The following UBE2D2 variants were observed in gnomAD, a reference collection of about 807,000 sequenced individuals.
UBE2D2 encodes ubiquitin conjugating enzyme E2 D2, also known as ubiquitin-conjugating enzyme E2 D2.
UBE2D2 carries 2 observed loss-of-function variants against 24.2 expected under a neutral mutation model. The ratio of observed to expected loss-of-function variants is 0.08; its 90% confidence interval spans 0.03 to 0.26. The LOEUF (loss-of-function observed/expected upper bound fraction) is 0.26, where lower values mean the gene tolerates loss of function less well. Among genes scored for constraint, UBE2D2 ranks in the 10% least tolerant of loss-of-function variants. The pLI is 1.00. For missense variants in UBE2D2, 44 were observed against 177.6 expected (o/e 0.25, Z 4.28); for synonymous variants, 58 against 56.5 (o/e 1.03, Z -0.12).
intron 1 of UBE2D2, chr5:139,562,079 G>A (rs1753112944): frequency 9.0e-6 from 8 of 891,224 alleles, no homozygotes; most frequent in Non-Finnish European, 1.3e-5. Flanking sequence ...GGACTCTTAG[G>A]GCTTCTCTCC....
At chr5:139,615,059 TAAG>T (rs1754395037) in intron 5 of UBE2D2, 93 bp downstream of exon 5, 1 of 1,214,136 alleles carries the variant, frequency 8.2e-7, no homozygotes. Flanking sequence ...ATGTTTCTTT[TAAG>T]AAGAGATAGC....
At chr5:139,552,948 C>A (rs1379216780) in intron 1 of UBE2D2, among the ~76,000 whole-genome samples, 1 of 152,062 alleles carries the variant, frequency 6.6e-6, no homozygotes, top group Non-Finnish European at 1.5e-5. Flanking sequence ...TCCCAAAGTG[C>A]TGGGACTACA....
intron 5 of UBE2D2, among the ~76,000 whole-genome samples, chr5:139,615,346 A>G (rs558202932): frequency 2.3e-4 from 35 of 152,256 alleles, no homozygotes; most frequent in Middle Eastern, 3.4e-3. Context: ...TTAGCTGGGC[A>G]TGGTGGCAGG....
chr5:139,580,940 A>G (rs931042396), intron 1 of UBE2D2, among the ~76,000 whole-genome samples: 1 of 152,104 alleles, frequency 6.6e-6, no homozygotes, highest in Non-Finnish European at 1.5e-5. Flanking sequence ...CACACAGACA[A>G]ATAGGAACTG....
intron 1 of UBE2D2, among the ~76,000 whole-genome samples, chr5:139,548,133 C>A: frequency 8.8e-6 from 1 of 113,844 alleles, no homozygotes; most frequent in African/African-American, 3.1e-5. Context: ...CACTGCATTC[C>A]AGCCTGGGCG....
rs571099604 is a variant in UBE2D2 at position 139,571,792 on chromosome 5, T to A, written c.24+9977T>A. On this transcript the variant is annotated intron_variant, in intron 1 of 6. Coordinates refer to ENST00000398733, the MANE Select transcript of UBE2D2 (RefSeq NM_003339.3). ...CTCCCTCCCTCACTTCCTCCTTCCCTCACTCACTTCCTCCCTCCTTCCTTC... is the reference window on the plus strand; with the variant it reads ...CTCCCTCCCTCACTTCCTCCTTCCCACACTCACTTCCTCCCTCCTTCCTTC... Among the ~76,000 whole-genome samples the A allele has an allele frequency of 2.0e-5, 3 of 149,952 alleles. No homozygotes were observed. The South Asian group carries it at 6.6e-4, about 33-fold the overall frequency.
intron 1 of UBE2D2, among the ~76,000 whole-genome samples, chr5:139,598,552 CT>C (rs746165110): frequency 4.0e-3 from 416 of 104,930 alleles, no homozygotes; most frequent in African/African-American, 0.013. Context: ...ACTACAAAGC[CT>C]TTTTTTTTTT....
At chr5:139,581,759 C>T (rs1223703100) in intron 1 of UBE2D2, among the ~76,000 whole-genome samples, 2 of 151,992 alleles carry the variant, frequency 1.3e-5, no homozygotes, top group African/African-American at 4.8e-5. Context: ...ACCTCTGCCT[C>T]CCGAGTTCAA....
chr5:139,621,329 T>C (rs1465466643), intron 5 of UBE2D2, among the ~76,000 whole-genome samples: 2 of 152,226 alleles, frequency 1.3e-5, no homozygotes, highest in African/African-American at 4.8e-5. Context: ...TATTGAGATT[T>C]GTCTGCTACA....
chr5:139,540,993 C>CAA (rs969269701), intron 1 of UBE2D2, among the ~76,000 whole-genome samples: 1 of 137,072 alleles, frequency 7.3e-6, no homozygotes, highest in African/African-American at 2.7e-5. Flanking sequence ...AACTCAGTCT[C>CAA]AAAAAAAAAA....
chr5:139,531,041 T>C (rs1752590900), intron 1 of UBE2D2, among the ~76,000 whole-genome samples: 2 of 151,872 alleles, frequency 1.3e-5, no homozygotes, highest in South Asian at 4.2e-4. Context: ...AAAACAAAAG[T>C]GAGAACTCCC....
intron 1 of UBE2D2, chr5:139,562,261 C>T: frequency 2.9e-6 from 4 of 1,359,850 alleles, no homozygotes; most frequent in Non-Finnish European, 2.9e-6. Context: ...CACAAAACCG[C>T]CTGAGCTCGG....
intron 5 of UBE2D2, among the ~76,000 whole-genome samples, chr5:139,615,179 G>A (rs1340481334): frequency 6.6e-6 from 1 of 152,136 alleles, no homozygotes; most frequent in Non-Finnish European, 1.5e-5. Context: ...TGCTACTCTA[G>A]CATAGGTTAG....
chr5:139,562,164 G>T, intron 1 of UBE2D2: 1 of 1,334,718 alleles, frequency 7.5e-7, no homozygotes, highest in Non-Finnish European at 9.8e-7. Context: ...GGGGGCGCTG[G>T]GGCGTTGGGC....
intron 1 of UBE2D2, among the ~76,000 whole-genome samples, chr5:139,533,395 A>G (rs1752621832): frequency 6.6e-6 from 1 of 152,074 alleles, no homozygotes. Flanking sequence ...TCACGCCTGT[A>G]ATCCCCAACA....
chr5:139,561,884 G>C lies in UBE2D2; in HGVS notation c.24+69G>C, dbSNP rs948378158. The C allele has an allele frequency of 4.2e-6, 6 of 1,439,284 alleles. 1 individual carries two copies. In the Middle Eastern group the frequency reaches 7.6e-4, roughly 182 times the overall value. The allele number at this position is 1,439,284 out of a possible 1,614,324, so 89.2% of individuals were successfully genotyped here. A position where few individuals can be genotyped will look rare whatever the true frequency, so the allele number is the denominator to read the frequency against. ...GCTGCGGCCTGCACTTCCCGCCGTAGTCTCCGTCGGGCTCGCGGCCTCCTT... is the reference window on the plus strand; with the variant it reads ...GCTGCGGCCTGCACTTCCCGCCGTACTCTCCGTCGGGCTCGCGGCCTCCTT... On this transcript the variant is annotated intron_variant, in intron 1 of 6. Coordinates refer to ENST00000398733, the MANE Select transcript of UBE2D2 (RefSeq NM_003339.3).
chr5:139,592,632 T>G (rs775784798), intron 1 of UBE2D2, among the ~76,000 whole-genome samples: 4 of 149,964 alleles, frequency 2.7e-5, no homozygotes, highest in Non-Finnish European at 4.4e-5. Context: ...AGATGGAGTC[T>G]TGCTCTGTTG....
chr5:139,562,904 T>A (rs1753141461), intron 1 of UBE2D2, among the ~76,000 whole-genome samples: 1 of 152,202 alleles, frequency 6.6e-6, no homozygotes, highest in Admixed American at 6.6e-5. Flanking sequence ...CTACTCAGAT[T>A]GGCTATATTA....
At chr5:139,571,406 CA>C (rs549829203) in intron 1 of UBE2D2, among the ~76,000 whole-genome samples, 530 of 88,130 alleles carry the variant, frequency 6.0e-3, no homozygotes, top group African/African-American at 0.015. Flanking sequence ...GACTCCCTCT[CA>C]AAAAAAAAAA....
Sources: gnomAD v4.1 joint callset for allele counts (sites outside exome capture counted in the v4.1 genomes callset) on GRCh38, gnomAD v4.1.1 for gene constraint, MANE v1.5 for transcripts, NCBI Gene and HGNC (gene_info 2026-07-23, HGNC 2026-07-21) for gene names.